Variants in PCCA observed in about 807,000 individuals in gnomAD.
The protein encoded by PCCA is propionyl-CoA carboxylase subunit alpha.
Under a neutral mutation model 101.3 loss-of-function variants are expected in PCCA, and 74 were observed. The observed-to-expected ratio is 0.73, with a 90% confidence interval of 0.61 to 0.89. The LOEUF (loss-of-function observed/expected upper bound fraction) is 0.89, where lower values mean the gene tolerates loss of function less well. PCCA is among the 40% of genes least tolerant of loss of function. PCCA has a pLI of 0.00. For missense variants in PCCA, 891 were observed against 907.0 expected, an observed-to-expected ratio of 0.98 and a Z score of 0.23; for synonymous variants, 294 against 313.6, an observed-to-expected ratio of 0.94 and a Z score of 0.66.
chr13:100,440,164 AT>A, intron 20 of PCCA, among the ~76,000 whole-genome samples: 1 of 5,540 alleles, frequency 1.8e-4, no homozygotes, highest in Non-Finnish European at 3.7e-4. Flanking sequence ...AATTATATAT[AT>A]ATATATATAT....
intron 9 of PCCA, among the ~76,000 whole-genome samples, chr13:100,261,709 G>C (rs2062535120): frequency 6.6e-6 from 1 of 152,018 alleles, no homozygotes; most frequent in African/African-American, 2.4e-5. Flanking sequence ...AAATTAGTTT[G>C]TAAACAAAAT....
intron 2 of PCCA, among the ~76,000 whole-genome samples, chr13:100,107,531 A>T (rs2047922435): frequency 6.6e-6 from 1 of 152,182 alleles, no homozygotes; most frequent in African/African-American, 2.4e-5. Context: ...CTTAAGAAAA[A>T]AAAAAGTGAT....
intron 7 of PCCA, among the ~76,000 whole-genome samples, chr13:100,226,357 G>A (rs1036938358): frequency 6.6e-6 from 1 of 152,084 alleles, no homozygotes; most frequent in Non-Finnish European, 1.5e-5. Context: ...CTCCTAAGTG[G>A]CTTTCATATG....
At chr13:100,494,623 C>T (rs924370469) in intron 21 of PCCA, among the ~76,000 whole-genome samples, 2 of 150,570 alleles carry the variant, frequency 1.3e-5, no homozygotes, top group Non-Finnish European at 2.9e-5. Context: ...GCGGAGTTTG[C>T]GGTGAGCCGA....
At chr13:100,178,228 C>T (rs531555040) in intron 6 of PCCA, among the ~76,000 whole-genome samples, 7 of 152,116 alleles carry the variant, frequency 4.6e-5, no homozygotes, top group Non-Finnish European at 7.4e-5. Flanking sequence ...CAACTTAAAA[C>T]GTAGAAAAGA....
intron 18 of PCCA, among the ~76,000 whole-genome samples, chr13:100,348,718 GT>G (rs544884640): frequency 7.6e-4 from 112 of 147,550 alleles, no homozygotes; most frequent in African/African-American, 2.8e-3. Flanking sequence ...TTTACTTTCC[GT>G]TTTTTTTCCT....
chr13:100,213,052 T>G (rs1009592235), intron 7 of PCCA, among the ~76,000 whole-genome samples: 11 of 152,296 alleles, frequency 7.2e-5, no homozygotes, highest in Middle Eastern at 6.8e-3. Context: ...TCTATGTTGT[T>G]GCAAGTGACA....
chr13:100,348,754 TTC>T (rs1180426511), intron 18 of PCCA, among the ~76,000 whole-genome samples: 1 of 63,640 alleles, frequency 1.6e-5, no homozygotes, highest in African/African-American at 6.3e-5. Context: ...CTTTCTTTCT[TTC>T]TTTCTTTCTT....
At chr13:100,399,037 A>G (rs1299026245) in intron 19 of PCCA, among the ~76,000 whole-genome samples, 1 of 152,154 alleles carries the variant, frequency 6.6e-6, no homozygotes, top group African/African-American at 2.4e-5. Flanking sequence ...TTGAAGAAAT[A>G]CAATCAAATT....
At chr13:100,392,540 C>T (rs927148856) in intron 19 of PCCA, among the ~76,000 whole-genome samples, 1 of 152,120 alleles carries the variant, frequency 6.6e-6, no homozygotes, top group Non-Finnish European at 1.5e-5. Context: ...ACAAAATCTG[C>T]CTTATTCTTC....
intron 16 of PCCA, among the ~76,000 whole-genome samples, chr13:100,327,107 G>A (rs2068778486): frequency 1.3e-5 from 2 of 151,984 alleles, no homozygotes; most frequent in African/African-American, 4.8e-5. Context: ...GATATTTAAA[G>A]TATTCAATTT....
intron 19 of PCCA, among the ~76,000 whole-genome samples, chr13:100,379,723 C>G (rs2076120275): frequency 6.6e-6 from 1 of 152,054 alleles, no homozygotes; most frequent in Non-Finnish European, 1.5e-5. Context: ...GGGGAACTCC[C>G]CTTTATAAAA....
At chr13:100,448,212 C>T (rs1037624061) in intron 20 of PCCA, among the ~76,000 whole-genome samples, 6 of 152,088 alleles carry the variant, frequency 3.9e-5, no homozygotes, top group South Asian at 2.1e-4. Context: ...TTTTTTGAGA[C>T]GGAGTCTCAC....
intron 21 of PCCA, among the ~76,000 whole-genome samples, chr13:100,510,702 T>C (rs2086416244): frequency 6.6e-6 from 1 of 152,220 alleles, no homozygotes; most frequent in Non-Finnish European, 1.5e-5. Context: ...GGCGCTGATA[T>C]AAATAGAGCT....
intron 9 of PCCA, among the ~76,000 whole-genome samples, chr13:100,261,061 A>G (rs1323781920): frequency 2.0e-5 from 3 of 152,284 alleles, no homozygotes; most frequent in South Asian, 4.1e-4. Context: ...AGTATTGTAC[A>G]TTAAATACAG....
intron 9 of PCCA, among the ~76,000 whole-genome samples, chr13:100,262,191 A>G (rs1427142260): frequency 1.3e-5 from 2 of 152,048 alleles, no homozygotes; most frequent in Non-Finnish European, 2.9e-5. Flanking sequence ...TCAGGAGTTC[A>G]AGACCATCCT....
chr13:100,432,098 C>G (rs746834507), intron 20 of PCCA, among the ~76,000 whole-genome samples: 54 of 151,488 alleles, frequency 3.6e-4, no homozygotes, highest in Admixed American at 1.1e-3. Flanking sequence ...GCTCAAGAGG[C>G]TGGACCCCTG....
intron 8 of PCCA, among the ~76,000 whole-genome samples, chr13:100,238,961 TTC>T (rs2060968547): frequency 6.6e-6 from 1 of 152,162 alleles, no homozygotes; most frequent in South Asian, 2.1e-4. Flanking sequence ...TCTTAATTCT[TTC>T]TGTGTTATGT....
At chr13:100,410,795 A>G (rs566700929) in intron 19 of PCCA, among the ~76,000 whole-genome samples, 2 of 152,170 alleles carry the variant, frequency 1.3e-5, no homozygotes, top group African/African-American at 4.8e-5. Flanking sequence ...TTTCTTATTA[A>G]ATTTTGCATT....
Sources: gnomAD v4.1 joint callset for allele counts (sites outside exome capture counted in the v4.1 genomes callset) on GRCh38, gnomAD v4.1.1 for gene constraint, MANE v1.5 for transcripts, NCBI Gene and HGNC (gene_info 2026-07-23, HGNC 2026-07-21) for gene names.